Variants in MGAT4C observed in about 807,000 individuals in gnomAD.
The protein encoded by MGAT4C is MGAT4 family member C.
MGAT4C carries 19 observed loss-of-function variants against 40.1 expected under a neutral mutation model. The ratio of observed to expected loss-of-function variants is 0.47; its 90% confidence interval spans 0.33 to 0.70. MGAT4C has a LOEUF of 0.70. MGAT4C is among the 30% of genes least tolerant of loss of function. The pLI is 0.02. For missense variants in MGAT4C, 491 were observed against 563.2 expected, an observed-to-expected ratio of 0.87 and a Z score of 1.30; for synonymous variants, 181 against 187.1, an observed-to-expected ratio of 0.97 and a Z score of 0.27.
chr12:85,967,041 A>G lies in MGAT4C; in HGVS notation c.*12248T>C, dbSNP rs1883403176. On this transcript the variant is annotated 3_prime_UTR_variant, in exon 5 of 5. Transcript: ENST00000611864. ...GCACATGTACCCTAAAACTTAAAGT[A>G]TAATAATAAAAAAATTCTTAGTTAT... 6.6e-6 allele frequency: 1 copy of G among 152,182 alleles called. No individual in the cohort carries two copies. The highest frequency in any genetic ancestry group is 1.5e-5 in the Non-Finnish European group (1 of 68,024). The allele number at this position is 152,182 out of a possible 1,614,324, so 9.4% of individuals were successfully genotyped here.
intron 1 of MGAT4C, among the ~76,000 whole-genome samples, chr12:86,806,865 G>A (rs1236274990): frequency 6.6e-6 from 1 of 151,888 alleles, no homozygotes; most frequent in African/African-American, 2.4e-5. Context: ...GTGGGGTGGG[G>A]GTAGCGGGGG....
chr12:86,601,039 G>A (rs1042280304), intron 2 of MGAT4C, among the ~76,000 whole-genome samples: 1 of 152,198 alleles, frequency 6.6e-6, no homozygotes, highest in African/African-American at 2.4e-5. Flanking sequence ...CCGCTGTCTC[G>A]GCCCCCTCCA....
At position 86,012,939 on chromosome 12, in the gene MGAT4C, C is replaced by T. The variant is rs1400103679; in HGVS notation, c.-6-23387G>A. Among the ~76,000 whole-genome samples, 7 of 149,624 alleles carry T rather than the reference C, an allele frequency of 4.7e-5. No homozygotes were observed. In the East Asian group the frequency reaches 5.9e-4, roughly 13 times the overall value. On this transcript the variant is annotated intron_variant, in intron 2 of 4. Transcript: ENST00000611864. ...AGGTGTTTGCGACCAGGGTGGGCAA[C>T]GTAGTGAGGCATCATCTCCACGAAA...
chr12:86,546,855 C>A (rs1388300361), intron 2 of MGAT4C, among the ~76,000 whole-genome samples: 1 of 151,888 alleles, frequency 6.6e-6, no homozygotes, highest in Non-Finnish European at 1.5e-5. Flanking sequence ...TAGATGCCGC[C>A]TAAAAGCGTC....
chr12:86,836,706 C>CTT (rs1953044067), intron 1 of MGAT4C, among the ~76,000 whole-genome samples: 1 of 151,906 alleles, frequency 6.6e-6, no homozygotes, highest in Non-Finnish European at 1.5e-5. Context: ...GGAGCTGCCC[C>CTT]TCCTGATTTT....
At chr12:86,644,147 CTGTG>C (rs1251032235) in intron 2 of MGAT4C, among the ~76,000 whole-genome samples, 1 of 151,438 alleles carries the variant, frequency 6.6e-6, no homozygotes, top group African/African-American at 2.4e-5. Flanking sequence ...TTAACATAGA[CTGTG>C]TGTGAATGGA....
At chr12:86,153,634 A>G (rs891707077) in intron 1 of MGAT4C, among the ~76,000 whole-genome samples, 1 of 152,196 alleles carries the variant, frequency 6.6e-6, no homozygotes, top group African/African-American at 2.4e-5. Context: ...GGTTTACCCC[A>G]TGCTGTTCTT....
At chr12:86,818,803 C>T (rs1451969564) in intron 1 of MGAT4C, among the ~76,000 whole-genome samples, 2 of 150,994 alleles carry the variant, frequency 1.3e-5, no homozygotes, top group Non-Finnish European at 3.0e-5. Flanking sequence ...ATTCTTAGAA[C>T]TCAATAATAA....
At chr12:85,980,726 G>T (rs1300801100) in intron 4 of MGAT4C, among the ~76,000 whole-genome samples, 1 of 152,070 alleles carries the variant, frequency 6.6e-6, no homozygotes, top group Non-Finnish European at 1.5e-5. Context: ...ATGGTTTAAA[G>T]TGTTCTGCAG....
intron 1 of MGAT4C, among the ~76,000 whole-genome samples, chr12:86,762,184 T>C (rs1156798240): frequency 6.6e-6 from 1 of 151,980 alleles, no homozygotes; most frequent in Non-Finnish European, 1.5e-5. Context: ...CCCTAGTAGC[T>C]GGGACTGCAG....
intron 1 of MGAT4C, among the ~76,000 whole-genome samples, chr12:86,754,354 C>T (rs1275123603): frequency 6.6e-6 from 1 of 151,956 alleles, no homozygotes; most frequent in Non-Finnish European, 1.5e-5. Flanking sequence ...GGAAGGATTG[C>T]ATAGGGGCAT....
intron 2 of MGAT4C, among the ~76,000 whole-genome samples, chr12:86,511,926 G>T (rs182460417): frequency 1.3e-5 from 2 of 151,984 alleles, no homozygotes; most frequent in Non-Finnish European, 2.9e-5. Context: ...CTTTTGCACC[G>T]CAAAGGAAAC....
intron 1 of MGAT4C, among the ~76,000 whole-genome samples, chr12:86,123,731 C>T: frequency 6.6e-6 from 1 of 151,954 alleles, no homozygotes; most frequent in East Asian, 1.9e-4. Flanking sequence ...ACGTGGCATC[C>T]TTGGTTCAGT....
chr12:86,759,147 C>G (rs1367067597), intron 1 of MGAT4C, among the ~76,000 whole-genome samples: 1 of 152,108 alleles, frequency 6.6e-6, no homozygotes, highest in African/African-American at 2.4e-5. Flanking sequence ...ATTTGTCTTT[C>G]TGTGCCTAGC....
intron 1 of MGAT4C, among the ~76,000 whole-genome samples, chr12:86,251,782 G>A (rs1952290821): frequency 6.6e-6 from 1 of 151,952 alleles, no homozygotes; most frequent in African/African-American, 2.4e-5. Context: ...TGGCACACAG[G>A]TAGAGAGCCA....
At chr12:86,771,099 T>A (rs1028030693) in intron 1 of MGAT4C, among the ~76,000 whole-genome samples, 6 of 152,104 alleles carry the variant, frequency 3.9e-5, no homozygotes, top group Non-Finnish European at 1.5e-5. Flanking sequence ...AGAGATGATA[T>A]GAAGACATGG....
intron 1 of MGAT4C, among the ~76,000 whole-genome samples, chr12:86,817,873 T>C (rs1952634720): frequency 6.6e-6 from 1 of 151,352 alleles, no homozygotes. Context: ...TAGGATAGAG[T>C]GTGGGCCTTT....
chr12:86,347,399 A>AT (rs1955061251), intron 3 of MGAT4C, among the ~76,000 whole-genome samples: 1 of 152,188 alleles, frequency 6.6e-6, no homozygotes, highest in African/African-American at 2.4e-5. Context: ...AAATATGAGT[A>AT]TTTGATCACT....
rs548982464 is a variant in MGAT4C, at chr12:86,426,723, G to A, written c.-120+8434C>T. Among the ~76,000 whole-genome samples the A allele has an allele frequency of 1.4e-3, 216 of 152,240 alleles. 1 individual carries two copies. The highest frequency in any genetic ancestry group is 4.7e-3 in the African/African-American group (194 of 41,546). ...AGCACTTTGGGAGGCCGAGGAGGGC[G>A]GATCACGAGGTCAGGAGATCGAGAC... On this transcript the variant is annotated intron_variant, in intron 3 of 7. Coordinates refer to the MGAT4C transcript ENST00000548651.
Sources: allele counts gnomAD v4.1 joint callset (sites outside exome capture counted in the v4.1 genomes callset), GRCh38; gene constraint gnomAD v4.1.1; transcripts MANE v1.5; gene names NCBI Gene and HGNC (gene_info 2026-07-23, HGNC 2026-07-21).